DRC11: variants seen among roughly 807,000 people sequenced by gnomAD.
DRC11 encodes the protein IQ and AAA domain-containing protein 1.
At chr2:236,316,350 A>C in the DRC11 span, among the ~76,000 whole-genome samples, 15 of 152,156 alleles carry the variant, frequency 9.9e-5, no homozygotes, top group Non-Finnish European at 1.5e-5. The surrounding 1 kb of genome is among the most constrained non-coding windows in gnomAD (Gnocchi z 6.8). Context: ...TTTAGTAGAG[A>C]TAGGGTTTCA....
chr2:236,503,832 A>C, the DRC11 span: 1 of 783,060 alleles, frequency 1.3e-6, no homozygotes, highest in Non-Finnish European at 2.1e-6. This position sits in a 1 kb window ranked among gnomAD's most constrained non-coding sequence, Gnocchi z 4.9. Flanking sequence ...CGCTCAGCCC[A>C]TCTGGCCTTG....
the DRC11 span, among the ~76,000 whole-genome samples, chr2:236,355,749 C>CTGTGTG: frequency 3.7e-3 from 397 of 107,964 alleles, 1 homozygote; most frequent in African/African-American, 0.012. Flanking sequence ...CTCTCTCTCT[C>CTGTGTG]TGTGTGTGTG....
chr2:236,481,068 G>A, the DRC11 span, among the ~76,000 whole-genome samples: 1 of 152,222 alleles, frequency 6.6e-6, no homozygotes, highest in South Asian at 2.1e-4. Flanking sequence ...AGTGGTTTTT[G>A]CCCAGGGGAC....
At chr2:236,476,950 G>A in the DRC11 span, among the ~76,000 whole-genome samples, 1 of 152,032 alleles carries the variant, frequency 6.6e-6, no homozygotes, top group Admixed American at 6.6e-5. This position sits in a 1 kb window ranked among gnomAD's most constrained non-coding sequence, Gnocchi z 4.7. Flanking sequence ...CCCTCCCTGT[G>A]TCCATGTGTT....
the DRC11 span, chr2:236,377,181 T>C: frequency 3.1e-6 from 5 of 1,608,870 alleles, no homozygotes; most frequent in African/African-American, 1.3e-5. This position sits in a 1 kb window ranked among gnomAD's most constrained non-coding sequence, Gnocchi z 4.9. Context: ...AGAGACTCGA[T>C]GGTCCTGGGG....
At chr2:236,396,717 CTACCTGCTAAT>C in the DRC11 span, among the ~76,000 whole-genome samples, 1 of 152,216 alleles carries the variant, frequency 6.6e-6, no homozygotes, top group Non-Finnish European at 1.5e-5. Context: ...CCCACTCTAT[CTACCTGCTAAT>C]TACATTATCC....
the DRC11 span, among the ~76,000 whole-genome samples, chr2:236,357,952 AAT>A: frequency 2.1e-4 from 21 of 99,494 alleles, no homozygotes; most frequent in Non-Finnish European, 2.8e-4. Flanking sequence ...ATAATATATA[AAT>A]ATATATAATA....
At chr2:236,374,816 G>A in the DRC11 span, among the ~76,000 whole-genome samples, 69 of 151,016 alleles carry the variant, frequency 4.6e-4, no homozygotes, top group East Asian at 1.8e-3. Flanking sequence ...TCAGCCTCCT[G>A]AGTAACTGGG....
At chr2:236,461,033 G>C in the DRC11 span, among the ~76,000 whole-genome samples, 2 of 152,160 alleles carry the variant, frequency 1.3e-5, no homozygotes, top group Non-Finnish European at 2.9e-5. The surrounding 1 kb of genome is among the most constrained non-coding windows in gnomAD (Gnocchi z 4.0). Context: ...AGGGATTACA[G>C]GTGTCAGCCA....
chr2:236,359,655 T>A, the DRC11 span, among the ~76,000 whole-genome samples: 1 of 152,302 alleles, frequency 6.6e-6, no homozygotes, highest in Non-Finnish European at 1.5e-5. This position sits in a 1 kb window ranked among gnomAD's most constrained non-coding sequence, Gnocchi z 4.3. Context: ...CACGGCACAG[T>A]CAGGCCCTCC....
At chr2:236,465,438 A>T in the DRC11 span, 1 of 1,378,228 alleles carries the variant, frequency 7.3e-7, no homozygotes, top group East Asian at 2.3e-5. This position sits in a 1 kb window ranked among gnomAD's most constrained non-coding sequence, Gnocchi z 6.2. Flanking sequence ...TTCTGTGCTT[A>T]AAAACATACA....
At chr2:236,408,484 C>A in the DRC11 span, 12 of 738,092 alleles carry the variant, frequency 1.6e-5, no homozygotes, top group South Asian at 9.8e-5. The surrounding 1 kb of genome is among the most constrained non-coding windows in gnomAD (Gnocchi z 5.5). Context: ...CCTCTCCCGG[C>A]CCCAGTCCAG....
At chr2:236,464,843 G>A in the DRC11 span, among the ~76,000 whole-genome samples, 9 of 152,028 alleles carry the variant, frequency 5.9e-5, no homozygotes, top group African/African-American at 1.2e-4. Context: ...CGCCAACCCC[G>A]CACTCTCTCT....
chr2:236,407,518 C>T, the DRC11 span, among the ~76,000 whole-genome samples: 1 of 152,036 alleles, frequency 6.6e-6, no homozygotes, highest in Non-Finnish European at 1.5e-5. Flanking sequence ...ACCAAAGGAA[C>T]CAATACCTTA....
the DRC11 span, among the ~76,000 whole-genome samples, chr2:236,389,614 AC>A: frequency 3.9e-5 from 6 of 152,092 alleles, no homozygotes; most frequent in South Asian, 1.0e-3. Flanking sequence ...TGCAGAAATC[AC>A]CCGTCTTCTG....
the DRC11 span, among the ~76,000 whole-genome samples, chr2:236,309,163 G>A: frequency 6.6e-6 from 1 of 152,150 alleles, no homozygotes; most frequent in African/African-American, 2.4e-5. This position sits in a 1 kb window ranked among gnomAD's most constrained non-coding sequence, Gnocchi z 5.7. Flanking sequence ...CACAGTGGCC[G>A]AGAACTCCCT....
the DRC11 span, among the ~76,000 whole-genome samples, chr2:236,436,822 T>C: frequency 8.0e-4 from 122 of 152,320 alleles, no homozygotes; most frequent in African/African-American, 2.8e-3. Flanking sequence ...ACAAATGTTA[T>C]CTGTTATTTT....
At chr2:236,385,002 T>G in the DRC11 span, among the ~76,000 whole-genome samples, 2 of 152,230 alleles carry the variant, frequency 1.3e-5, 1 homozygote, top group Admixed American at 1.3e-4. Context: ...AGGGCTCTGT[T>G]CTGTTCCATT....
chr2:236,395,328 C>G, the DRC11 span, among the ~76,000 whole-genome samples: 1 of 152,214 alleles, frequency 6.6e-6, no homozygotes, highest in East Asian at 1.9e-4. Flanking sequence ...GGCTGAACAA[C>G]TCTCTTTACA....
Sources: gnomAD v4.1 joint callset for allele counts (sites outside exome capture counted in the v4.1 genomes callset) on GRCh38, gnomAD v4.1.1 for gene constraint, Gnocchi (gnomAD v3.1) non-coding constraint, MANE v1.5 for transcripts, NCBI Gene and HGNC (gene_info 2026-07-23, HGNC 2026-07-21) for gene names.